The following DGKB variants were observed in gnomAD, a reference collection of about 807,000 sequenced individuals.
DGKB encodes 90 kDa diacylglycerol kinase.
DGKB carries 67 observed loss-of-function variants against 114.3 expected under a neutral mutation model. The observed-to-expected ratio is 0.59, with a 90% CI of 0.48 to 0.72. The LOEUF (loss-of-function observed/expected upper bound fraction) is 0.72, where lower values mean the gene tolerates loss of function less well. Ranked by LOEUF, DGKB falls within the 30% of genes least tolerant of loss-of-function variation. The pLI is 0.00. For missense variants in DGKB, 907 were observed against 975.2 expected (o/e 0.93, Z 0.93); for synonymous variants, 398 against 323.1 (o/e 1.23, Z -2.49).
chr7:14,200,511 T>C (rs962872741), intron 23 of DGKB, among the ~76,000 whole-genome samples: 2 of 152,100 alleles, frequency 1.3e-5, no homozygotes, highest in African/African-American at 4.8e-5. Context: ...TTCTTCTTGA[T>C]TAGGAATTTG....
In DGKB at chr7:14,698,111, A is replaced by T; in HGVS notation, c.575T>A (p.Val192Asp). The T allele has an allele frequency of 6.5e-7, 1 of 1,548,868 alleles. No individual in the cohort carries two copies. The highest frequency in any genetic ancestry group is 8.7e-7 in the Non-Finnish European group (1 of 1,147,156). The change falls in exon 8 of 26, where the codon GTC becomes GAC. Residue 192 changes from valine to aspartate, a missense_variant. Around this residue, in one of 3 missense-constraint regions of DGKB, gnomAD observed 814 missense variants for 856.6 expected, o/e 0.95. Coordinates refer to ENST00000402815, the MANE Select transcript of DGKB (RefSeq NM_001350709.2). ...TATACCTACTGGATTAAGTTCAGTG[A>T]CATCCCACTCAAGGTATTCTGCAAC... ...MHVAEYLEWD[V>D]TELNPILHEM...
rs146697599 is a variant in DGKB at position 14,678,535 on chromosome 7, G to T, written c.1035+4018C>A. On this transcript the variant is annotated intron_variant, in intron 12 of 25. Coordinates refer to ENST00000402815, the MANE Select transcript of DGKB (RefSeq NM_001350709.2). Reference sequence around the variant, plus strand: ...AATACACAGCTATGGCAGAGGGTGTGTGTAGAAGAGGAATATTATATACAG... The same window carrying T: ...AATACACAGCTATGGCAGAGGGTGTTTGTAGAAGAGGAATATTATATACAG... 6.0e-3 allele frequency among the ~76,000 whole-genome samples: 920 copies of T among 152,106 alleles called. 1 individual carries two copies. The highest frequency in any genetic ancestry group is 9.5e-3 in the Non-Finnish European group (648 of 67,964).
At chr7:14,485,975 G>C (rs1226888194) in intron 20 of DGKB, among the ~76,000 whole-genome samples, 1 of 151,956 alleles carries the variant, frequency 6.6e-6, no homozygotes, top group African/African-American at 2.4e-5. Flanking sequence ...TTAATTTCTT[G>C]GGTATTTGAT....
chr7:14,194,466 A>C (rs1784742030), intron 23 of DGKB, among the ~76,000 whole-genome samples: 1 of 152,172 alleles, frequency 6.6e-6, no homozygotes, highest in Admixed American at 6.5e-5. Flanking sequence ...ATACCACATT[A>C]TCTCACTCAT....
At chr7:14,477,896 T>C (rs1238048366) in intron 21 of DGKB, among the ~76,000 whole-genome samples, 2 of 152,094 alleles carry the variant, frequency 1.3e-5, no homozygotes, top group African/African-American at 4.8e-5. Context: ...ACTATTAATT[T>C]CATGTTTTAC....
chr7:14,848,061 G>A (rs1848876359), intron 1 of DGKB, among the ~76,000 whole-genome samples: 1 of 152,148 alleles, frequency 6.6e-6, no homozygotes. Context: ...TTTTGTGCAG[G>A]AGATTAACAT....
intron 21 of DGKB, among the ~76,000 whole-genome samples, chr7:14,365,066 T>A (rs893391508): frequency 4.0e-5 from 6 of 151,864 alleles, no homozygotes; most frequent in Non-Finnish European, 8.8e-5. Context: ...TATGGTTTTT[T>A]ACGTCCTCCT....
At chr7:14,820,876 G>A (rs556195678) in intron 2 of DGKB, among the ~76,000 whole-genome samples, 1 of 152,252 alleles carries the variant, frequency 6.6e-6, no homozygotes, top group African/African-American at 2.4e-5. Flanking sequence ...GCTGGACCCA[G>A]AGAACTGCAT....
chr7:14,233,779 G>A (rs1792291057), intron 23 of DGKB, among the ~76,000 whole-genome samples: 1 of 151,862 alleles, frequency 6.6e-6, no homozygotes, highest in South Asian at 2.1e-4. Flanking sequence ...AGTGTGTGGG[G>A]GGTGCAACCA....
intron 23 of DGKB, among the ~76,000 whole-genome samples, chr7:14,291,701 C>T (rs1210834575): frequency 6.6e-6 from 1 of 152,054 alleles, no homozygotes; most frequent in Non-Finnish European, 1.5e-5. Context: ...AAATTTTATT[C>T]TCAGAAAATT....
chr7:14,919,085 C>A (rs373949267), intron 1 of DGKB, among the ~76,000 whole-genome samples: 6 of 122,098 alleles, frequency 4.9e-5, no homozygotes, highest in East Asian at 7.4e-4. Flanking sequence ...CACACACACA[C>A]ACACACACAA....
intron 6 of DGKB, among the ~76,000 whole-genome samples, chr7:14,712,522 T>G (rs1563987731): frequency 6.6e-6 from 1 of 151,888 alleles, no homozygotes; most frequent in Non-Finnish European, 1.5e-5. Flanking sequence ...AATACAAAAA[T>G]TAGCCAGGCA....
chr7:14,347,882 T>G (rs1195519196), intron 21 of DGKB, among the ~76,000 whole-genome samples: 25 of 152,088 alleles, frequency 1.6e-4, no homozygotes, highest in Admixed American at 1.4e-3. Flanking sequence ...CTTGAATATA[T>G]GTATAATTTT....
intron 21 of DGKB, among the ~76,000 whole-genome samples, chr7:14,423,558 TAGTAG>T (rs1463703385): frequency 1.3e-5 from 2 of 152,096 alleles, no homozygotes; most frequent in Non-Finnish European, 2.9e-5. Flanking sequence ...AATTACTGAT[TAGTAG>T]TTCATAAAAT....
chr7:14,166,029 G>A (rs1214634465), intron 25 of DGKB, among the ~76,000 whole-genome samples: 1 of 152,092 alleles, frequency 6.6e-6, no homozygotes, highest in East Asian at 1.9e-4. Flanking sequence ...GAACAGTCCC[G>A]GTTCTATAAC....
At chr7:14,170,828 G>C (rs986854828) in intron 25 of DGKB, among the ~76,000 whole-genome samples, 1 of 152,182 alleles carries the variant, frequency 6.6e-6, no homozygotes, top group Non-Finnish European at 1.5e-5. Context: ...AACTGCAGTA[G>C]CTAGAGCAAC....
At chr7:14,213,345 G>T (rs1397733104) in intron 23 of DGKB, among the ~76,000 whole-genome samples, 1 of 152,058 alleles carries the variant, frequency 6.6e-6, no homozygotes, top group Non-Finnish European at 1.5e-5. Context: ...TGATTCTCAA[G>T]ATAGAGAAAT....
At chr7:14,333,113 A>G (rs1810015014) in intron 23 of DGKB, among the ~76,000 whole-genome samples, 2 of 152,174 alleles carry the variant, frequency 1.3e-5, no homozygotes, top group South Asian at 4.1e-4. Context: ...TTGAAATTTT[A>G]TTTGTGCAAA....
intron 21 of DGKB, among the ~76,000 whole-genome samples, chr7:14,436,155 T>G (rs766527645): frequency 6.6e-6 from 1 of 152,164 alleles, no homozygotes; most frequent in Non-Finnish European, 1.5e-5. Flanking sequence ...TAACATTGTC[T>G]CTGTAATTAA....
Sources: allele counts gnomAD v4.1 joint callset (sites outside exome capture counted in the v4.1 genomes callset), GRCh38; gene constraint gnomAD v4.1.1; regional missense constraint gnomAD v4.1.1; transcripts MANE v1.5; gene names NCBI Gene and HGNC (gene_info 2026-07-23, HGNC 2026-07-21).